NEGR1: variants seen among roughly 807,000 people sequenced by gnomAD.
NEGR1 encodes neuronal growth regulator 1.
NEGR1 carries 10 observed loss-of-function variants against 40.9 expected under a neutral mutation model. That is an observed-to-expected ratio of 0.24 (90% confidence interval 0.15 to 0.42). The LOEUF (loss-of-function observed/expected upper bound fraction) is 0.42. NEGR1 is among the 10% of genes least tolerant of loss of function. NEGR1 has a pLI of 1.00. For missense variants in NEGR1, 352 were observed against 438.9 expected, an observed-to-expected ratio of 0.80 and a Z score of 1.77; for synonymous variants, 185 against 166.8, an observed-to-expected ratio of 1.11 and a Z score of -0.84.
intron 2 of NEGR1, among the ~76,000 whole-genome samples, chr1:71,834,113 G>C (rs1392441592): frequency 2.0e-5 from 3 of 152,014 alleles, no homozygotes; most frequent in Non-Finnish European, 4.4e-5. Flanking sequence ...CATTGTATTG[G>C]ATGTGAAGCC....
Position 72,042,778 on chromosome 1 carries a change from G to A in NEGR1, c.177-107467C>T, listed in dbSNP as rs145816911. ...CTAGATGTAGTAGGACACATTAGCCGTGAACATATAGATGATTTCTGACTA... is the reference window on the plus strand; with the variant it reads ...CTAGATGTAGTAGGACACATTAGCCATGAACATATAGATGATTTCTGACTA... On this transcript the variant is annotated intron_variant, in intron 1 of 6. Coordinates refer to ENST00000357731, the MANE Select transcript of NEGR1 (RefSeq NM_173808.3). Among the ~76,000 whole-genome samples, 796 of 152,056 alleles carry A rather than the reference G, an allele frequency of 5.2e-3. 5 individuals carry two copies. In the Middle Eastern group the frequency reaches 0.075, roughly 14 times the overall value.
intron 1 of NEGR1, among the ~76,000 whole-genome samples, chr1:72,206,622 AAG>A (rs1004070522): frequency 1.3e-5 from 2 of 152,096 alleles, no homozygotes; most frequent in African/African-American, 2.4e-5. Context: ...AGAGACCAAA[AAG>A]GCTGGGTTCT....
chr1:71,994,800 A>G (rs1646489049), intron 1 of NEGR1, among the ~76,000 whole-genome samples: 1 of 152,100 alleles, frequency 6.6e-6, no homozygotes, highest in Admixed American at 6.5e-5. Flanking sequence ...TTACTTTGTG[A>G]ACTTCCTGTA....
chr1:72,109,085 A>G (rs573841175), intron 1 of NEGR1, among the ~76,000 whole-genome samples: 22 of 151,744 alleles, frequency 1.4e-4, no homozygotes, highest in South Asian at 1.0e-3. Flanking sequence ...ACATAAACAC[A>G]TTTTCAGCTA....
At chr1:71,988,736 G>A (rs956836809) in intron 1 of NEGR1, among the ~76,000 whole-genome samples, 4 of 151,566 alleles carry the variant, frequency 2.6e-5, no homozygotes, top group African/African-American at 9.7e-5. Context: ...CAGAAAACAT[G>A]TCTATTATAA....
intron 1 of NEGR1, among the ~76,000 whole-genome samples, chr1:71,997,797 C>G (rs1036522789): frequency 2.0e-5 from 3 of 151,866 alleles, no homozygotes; most frequent in African/African-American, 7.2e-5. Flanking sequence ...CATCTAATTG[C>G]TAATATTCAA....
chr1:71,873,549 T>C (rs745940017), intron 2 of NEGR1, among the ~76,000 whole-genome samples: 1 of 152,166 alleles, frequency 6.6e-6, no homozygotes, highest in Non-Finnish European at 1.5e-5. Context: ...ATAGCATTAT[T>C]ATACAAAATT....
At chr1:71,661,519 A>G (rs1229543445) in intron 4 of NEGR1, among the ~76,000 whole-genome samples, 1 of 152,228 alleles carries the variant, frequency 6.6e-6, no homozygotes, top group African/African-American at 2.4e-5. Flanking sequence ...TGAAAATGTA[A>G]TAGAAATTTT....
At chr1:72,267,840 G>C (rs1048688610) in intron 1 of NEGR1, among the ~76,000 whole-genome samples, 1 of 151,234 alleles carries the variant, frequency 6.6e-6, no homozygotes, top group African/African-American at 2.4e-5. Context: ...ATGGTAAGAA[G>C]ATTATGATGC....
At chr1:71,951,070 A>C (rs1646066619) in intron 1 of NEGR1, among the ~76,000 whole-genome samples, 1 of 152,008 alleles carries the variant, frequency 6.6e-6, no homozygotes, top group Non-Finnish European at 1.5e-5. Context: ...AAAATAGGCT[A>C]TAAAATAAAT....
At chr1:71,448,970 C>T (rs56065544) in intron 6 of NEGR1, among the ~76,000 whole-genome samples, 3 of 152,084 alleles carry the variant, frequency 2.0e-5, no homozygotes, top group East Asian at 1.9e-4. Flanking sequence ...AAATTTACTT[C>T]GGTTGTCAAA....
chr1:71,987,791 T>C (rs1646409649), intron 1 of NEGR1, among the ~76,000 whole-genome samples: 1 of 152,042 alleles, frequency 6.6e-6, no homozygotes. Flanking sequence ...GATTTTTTTA[T>C]AAAATCTGCT....
chr1:71,786,359 T>G (rs145141421), intron 2 of NEGR1, among the ~76,000 whole-genome samples: 2 of 152,254 alleles, frequency 1.3e-5, no homozygotes, highest in Admixed American at 1.3e-4. Context: ...TGCTGAAGCC[T>G]TGGCTGGAAA....
At chr1:71,709,082 A>T (rs1193230187) in intron 3 of NEGR1, among the ~76,000 whole-genome samples, 1 of 152,192 alleles carries the variant, frequency 6.6e-6, no homozygotes, top group Non-Finnish European at 1.5e-5. Flanking sequence ...TTTATAATAG[A>T]ATGATTTATA....
Position 72,255,173 on chromosome 1 carries a change from AG to A in NEGR1, c.176+27145del, listed in dbSNP as rs201269961. ...CCTGTGAACAGGGACATTTTTTACT[AG>A]GAAGTACAGATAAGTTAAATGCTCT... On this transcript the variant is annotated intron_variant, in intron 1 of 6. Coordinates refer to ENST00000357731, the MANE Select transcript of NEGR1 (RefSeq NM_173808.3). Among the ~76,000 whole-genome samples, 1,116 of 152,308 alleles carry A rather than the reference AG, an allele frequency of 7.3e-3. 16 individuals are homozygous for A. The highest frequency in any genetic ancestry group is 0.025 in the African/African-American group (1,041 of 41,562).
intron 4 of NEGR1, among the ~76,000 whole-genome samples, chr1:71,667,881 C>A (rs1300024639): frequency 2.0e-5 from 3 of 152,040 alleles, no homozygotes; most frequent in African/African-American, 7.2e-5. Context: ...TTGCTCAGAG[C>A]TTACAAAAAT....
At chr1:71,786,809 G>A (rs1030590454) in intron 2 of NEGR1, among the ~76,000 whole-genome samples, 4 of 152,286 alleles carry the variant, frequency 2.6e-5, no homozygotes, top group South Asian at 2.1e-4. Context: ...TCATACAGTA[G>A]AGTTGTGGAA....
At chr1:72,023,583 C>G (rs963364057) in intron 1 of NEGR1, among the ~76,000 whole-genome samples, 4 of 150,464 alleles carry the variant, frequency 2.7e-5, no homozygotes, top group Admixed American at 6.7e-5. Context: ...TAAATTAAAG[C>G]AATGGATTTT....
intron 6 of NEGR1, among the ~76,000 whole-genome samples, chr1:71,587,278 A>C (rs1649337298): frequency 6.6e-6 from 1 of 152,174 alleles, no homozygotes; most frequent in African/African-American, 2.4e-5. Flanking sequence ...ATCAGTTGAA[A>C]GGTACTGTTC....
Sources: gnomAD v4.1 joint callset for allele counts (sites outside exome capture counted in the v4.1 genomes callset) on GRCh38, gnomAD v4.1.1 for gene constraint, MANE v1.5 for transcripts, NCBI Gene and HGNC (gene_info 2026-07-23, HGNC 2026-07-21) for gene names.